Variants in PDE4D observed in about 807,000 individuals in gnomAD.
The protein encoded by PDE4D is phosphodiesterase 4D.
In PDE4D, 24 loss-of-function variants were observed where a neutral mutation model predicts 87.4. The observed-to-expected ratio is 0.27, with a 90% CI of 0.20 to 0.39. The LOEUF (loss-of-function observed/expected upper bound fraction) is 0.39. Ranked by LOEUF, PDE4D falls within the 10% of genes least tolerant of loss-of-function variation. The pLI, the probability that PDE4D is intolerant of heterozygous loss-of-function variation, is 1.00. For synonymous variants in PDE4D, 384 were observed against 383.2 expected (o/e 1.00, Z -0.02); for missense variants, 714 against 1,041.0 (o/e 0.69, Z 4.32).
chr5:60,092,402 T>C (rs942453921), intron 2 of PDE4D, among the ~76,000 whole-genome samples: 1 of 152,156 alleles, frequency 6.6e-6, no homozygotes, highest in Admixed American at 6.5e-5. Context: ...CAATAGTAAT[T>C]TATTTTATAT....
intron 1 of PDE4D, among the ~76,000 whole-genome samples, chr5:59,409,655 G>A (rs561936661): frequency 6.6e-6 from 1 of 152,262 alleles, no homozygotes; most frequent in East Asian, 1.9e-4. Context: ...AGTTCCCTGA[G>A]GCCTCCCCAG....
At chr5:59,081,884 T>C (rs1561451240) in intron 5 of PDE4D, among the ~76,000 whole-genome samples, 1 of 152,150 alleles carries the variant, frequency 6.6e-6, no homozygotes, top group East Asian at 1.9e-4. Flanking sequence ...CGGGAGGGAC[T>C]GGGTGAAGAT....
chr5:59,283,970 C>G (rs1255077031), intron 1 of PDE4D, among the ~76,000 whole-genome samples: 1 of 152,108 alleles, frequency 6.6e-6, no homozygotes, highest in Non-Finnish European at 1.5e-5. Flanking sequence ...CCTTCTTCTA[C>G]AAAATAAGGA....
At chr5:60,337,351 CT>C (rs1208409185) in intron 1 of PDE4D, among the ~76,000 whole-genome samples, 9,899 of 62,362 alleles carry the variant, frequency 0.16, 1,826 homozygotes, top group African/African-American at 0.41. Context: ...AACAAACAAA[CT>C]ATATATATAT....
At chr5:60,468,690 C>CT (rs994941305) in intron 1 of PDE4D, among the ~76,000 whole-genome samples, 3 of 151,466 alleles carry the variant, frequency 2.0e-5, no homozygotes, top group African/African-American at 4.9e-5. Flanking sequence ...GTCTGGCTAA[C>CT]TTTTTTTTCC....
At chr5:60,151,277 TG>T (rs1219675491) in intron 2 of PDE4D, among the ~76,000 whole-genome samples, 1 of 152,210 alleles carries the variant, frequency 6.6e-6, no homozygotes, top group Non-Finnish European at 1.5e-5. Context: ...TCCAAAGTGC[TG>T]GGATTACAGG....
chr5:59,172,569 G>A (rs1399108632), intron 5 of PDE4D, among the ~76,000 whole-genome samples: 3 of 151,042 alleles, frequency 2.0e-5, no homozygotes, highest in East Asian at 1.9e-4. Context: ...TTATGCACAC[G>A]TGGTGGTGCA....
intron 1 of PDE4D, among the ~76,000 whole-genome samples, chr5:59,843,189 G>T (rs1051740836): frequency 6.6e-6 from 1 of 151,848 alleles, no homozygotes; most frequent in Non-Finnish European, 1.5e-5. Flanking sequence ...AATATAAATA[G>T]CATGATAAGC....
intron 3 of PDE4D, among the ~76,000 whole-genome samples, chr5:59,972,105 G>A (rs752625782): frequency 1.3e-5 from 2 of 152,132 alleles, no homozygotes; most frequent in African/African-American, 2.4e-5. Context: ...ATATGTGATG[G>A]TCTGAGCCAT....
intron 1 of PDE4D, among the ~76,000 whole-genome samples, chr5:59,321,615 T>C (rs186575702): frequency 6.6e-6 from 1 of 152,074 alleles, no homozygotes; most frequent in African/African-American, 2.4e-5. Flanking sequence ...GAAATGTCTA[T>C]GAGATGGTGT....
chr5:59,749,745 A>G (rs1483419201), intron 1 of PDE4D, among the ~76,000 whole-genome samples: 1 of 152,138 alleles, frequency 6.6e-6, no homozygotes, highest in Non-Finnish European at 1.5e-5. Context: ...ATCACTTTTA[A>G]TACCACCTAC....
chr5:59,218,059 C>T (rs1378037813), intron 1 of PDE4D: 4 of 450,416 alleles, frequency 8.9e-6, no homozygotes, highest in Middle Eastern at 3.5e-4. Flanking sequence ...GTATTTAGTA[C>T]ACAACTGGAA....
At chr5:59,269,454 T>TA (rs1222609995) in intron 1 of PDE4D, among the ~76,000 whole-genome samples, 2 of 152,088 alleles carry the variant, frequency 1.3e-5, no homozygotes, top group African/African-American at 4.8e-5. Flanking sequence ...AACTTCAAGG[T>TA]CTTATAAGGC....
At chr5:60,185,568 G>T in exon 2 of PDE4D, 1 of 1,528,444 alleles carries the variant, frequency 6.5e-7, no homozygotes, top group South Asian at 1.2e-5. Context: ...CTTTTGCTCC[G>T]AGAAAGCAAA....
intron 2 of PDE4D, among the ~76,000 whole-genome samples, chr5:59,991,280 G>T (rs1226748285): frequency 2.0e-5 from 3 of 151,936 alleles, no homozygotes; most frequent in Non-Finnish European, 4.4e-5. Flanking sequence ...GGTTTATTTT[G>T]TATAATGTCT....
chr5:59,780,220 G>T (rs1764478980), intron 1 of PDE4D, among the ~76,000 whole-genome samples: 1 of 152,198 alleles, frequency 6.6e-6, no homozygotes, highest in African/African-American at 2.4e-5. Flanking sequence ...TAAAAAATTA[G>T]CTGGGCATGG....
intron 1 of PDE4D, among the ~76,000 whole-genome samples, chr5:59,625,562 CA>C (rs1303460104): frequency 2.0e-5 from 3 of 151,136 alleles, no homozygotes; most frequent in Non-Finnish European, 4.4e-5. Flanking sequence ...TGTTACTCAA[CA>C]ATAAAAAAAG....
At chr5:59,489,587 T>C (rs1352399943) in intron 1 of PDE4D, among the ~76,000 whole-genome samples, 1 of 152,228 alleles carries the variant, frequency 6.6e-6, no homozygotes, top group Non-Finnish European at 1.5e-5. Flanking sequence ...TGAAAGCAGA[T>C]ACATGGTGTT....
chr5:60,488,493 G>A (rs1157232552), upstream of PDE4D: 1 of 151,398 alleles, frequency 6.6e-6, no homozygotes, highest in Non-Finnish European at 1.5e-5. Context: ...TAAAGTCGCT[G>A]AGGCAACTAG....
Sources: allele counts gnomAD v4.1 joint callset (sites outside exome capture counted in the v4.1 genomes callset), GRCh38; gene constraint gnomAD v4.1.1; transcripts MANE v1.5; gene names NCBI Gene and HGNC (gene_info 2026-07-23, HGNC 2026-07-21).